ASIC2: variants seen among roughly 807,000 people sequenced by gnomAD.
The protein encoded by ASIC2 is acid-sensing ion channel 2.
Under a neutral mutation model 57.3 loss-of-function variants are expected in ASIC2, and 25 were observed. The ratio of observed to expected loss-of-function variants is 0.44; its 90% CI spans 0.32 to 0.61. ASIC2 has a LOEUF of 0.61. Among genes scored for constraint, ASIC2 ranks in the 20% least tolerant of loss-of-function variants. The pLI is 0.06. For missense variants in ASIC2, 641 were observed against 738.1 expected (o/e 0.87, Z 1.52); for synonymous variants, 319 against 307.5 (o/e 1.04, Z -0.39).
At chr17:34,003,564 A>G (rs1420345992) in intron 1 of ASIC2, 1 of 152,152 alleles carries the variant, frequency 6.6e-6, no homozygotes, top group African/African-American at 2.4e-5. Context: ...CATTGTCATC[A>G]TCATGATCAT....
At chr17:34,075,823 C>CTTTTTTT (rs57703083) in intron 1 of ASIC2, among the ~76,000 whole-genome samples, 1 of 77,540 alleles carries the variant, frequency 1.3e-5, no homozygotes, top group Non-Finnish European at 2.3e-5. Context: ...TTTCTTTTTC[C>CTTTTTTT]TTTTTTTTTT....
chr17:33,770,898 C>T (rs557392325), intron 1 of ASIC2, among the ~76,000 whole-genome samples: 15 of 152,176 alleles, frequency 9.9e-5, no homozygotes, highest in Admixed American at 8.5e-4. Flanking sequence ...GCTGGAATAG[C>T]ACCTTCTGGC....
Position 33,651,418 on chromosome 17 carries a change from A to T in ASIC2, c.555+504560T>A, listed in dbSNP as rs376851318. The stretch of plus-strand genomic sequence containing the variant: ...AAAGAAACCATTTATTATGGAGCCA[A>T]ATGTAAAATTCCAACACTGACAGTT... On this transcript the variant is annotated intron_variant, in intron 1 of 9. Coordinates refer to the ASIC2 transcript ENST00000359872. 5.3e-5 allele frequency among the ~76,000 whole-genome samples: 8 copies of T among 152,332 alleles called. No individual in the cohort carries two copies. The South Asian group carries it at 1.7e-3, about 32-fold the overall frequency.
intron 1 of ASIC2, among the ~76,000 whole-genome samples, chr17:33,588,872 T>G (rs1904732354): frequency 6.6e-6 from 1 of 152,186 alleles, no homozygotes; most frequent in South Asian, 2.1e-4. Context: ...TAGTAAACTG[T>G]GTATCATTTA....
intron 1 of ASIC2, among the ~76,000 whole-genome samples, chr17:33,601,440 G>C (rs1006992611): frequency 6.6e-6 from 1 of 152,202 alleles, no homozygotes; most frequent in African/African-American, 2.4e-5. Flanking sequence ...GGTTGCCCCA[G>C]CTGTGGCTCA....
intron 1 of ASIC2, among the ~76,000 whole-genome samples, chr17:33,943,876 G>C (rs533992369): frequency 2.6e-5 from 4 of 152,218 alleles, no homozygotes; most frequent in Non-Finnish European, 4.4e-5. Flanking sequence ...GAGATTCAGG[G>C]AGTTCTGTGC....
At chr17:33,025,858 G>A in intron 5 of ASIC2, 68 bp downstream of exon 5, 1 of 1,446,744 alleles carries the variant, frequency 6.9e-7, no homozygotes, top group Non-Finnish European at 9.4e-7. Flanking sequence ...CCCAAACCCA[G>A]ATGATTTCCA....
intron 1 of ASIC2, among the ~76,000 whole-genome samples, chr17:33,761,897 A>G (rs1230436255): frequency 6.6e-6 from 1 of 151,336 alleles, no homozygotes; most frequent in African/African-American, 2.4e-5. Context: ...CAAAGCCCAC[A>G]AATCAGTTCA....
chr17:33,600,552 C>T (rs914944526), intron 1 of ASIC2, among the ~76,000 whole-genome samples: 4 of 152,130 alleles, frequency 2.6e-5, no homozygotes, highest in Non-Finnish European at 4.4e-5. Flanking sequence ...CAGAATTTGG[C>T]AGGTCAGGCT....
rs117770777 is a variant in ASIC2 at position 33,267,571 on chromosome 17, C to T, written c.708+23837G>A. ...CTAAGTTTGACAAGTTTTCTGCCTT[C>T]GGGAAACTTACAGCAGAGCCCAAAC... On this transcript the variant is annotated intron_variant, in intron 1 of 9. Coordinates refer to ENST00000225823, the MANE Select transcript of ASIC2 (RefSeq NM_183377.2). Among the ~76,000 whole-genome samples, 114 of 152,292 alleles carry T rather than the reference C, an allele frequency of 7.5e-4. 1 individual carries two copies. In the East Asian group the frequency reaches 0.016, roughly 21 times the overall value.
chr17:33,808,681 A>C (rs1165984981), intron 1 of ASIC2, among the ~76,000 whole-genome samples: 2 of 152,296 alleles, frequency 1.3e-5, no homozygotes, highest in East Asian at 3.9e-4. Flanking sequence ...AACCTCTCTG[A>C]GTCTCTGTTT....
At chr17:34,149,838 A>G (rs2142142905) in intron 1 of ASIC2, among the ~76,000 whole-genome samples, 1 of 152,296 alleles carries the variant, frequency 6.6e-6, no homozygotes, top group Admixed American at 6.5e-5. Context: ...GAAGTTCCTC[A>G]AAAAAATTAA....
intron 1 of ASIC2, among the ~76,000 whole-genome samples, chr17:33,914,208 G>A (rs775385580): frequency 2.0e-5 from 3 of 152,160 alleles, no homozygotes; most frequent in Non-Finnish European, 4.4e-5. Context: ...CATTGCAAAC[G>A]GTCCATTGTG....
chr17:33,619,641 G>A (rs965670015), intron 1 of ASIC2, among the ~76,000 whole-genome samples: 6 of 152,314 alleles, frequency 3.9e-5, no homozygotes, highest in African/African-American at 1.4e-4. Context: ...AGGATGCTTT[G>A]TAATGAGAAG....
chr17:33,731,945 A>G (rs1265511743), intron 1 of ASIC2, among the ~76,000 whole-genome samples: 1 of 152,264 alleles, frequency 6.6e-6, no homozygotes, highest in Non-Finnish European at 1.5e-5. Flanking sequence ...CTAGATGAAC[A>G]GAGCACTAGA....
At chr17:34,081,150 G>C (rs934925991) in intron 1 of ASIC2, among the ~76,000 whole-genome samples, 1 of 152,138 alleles carries the variant, frequency 6.6e-6, no homozygotes, top group Non-Finnish European at 1.5e-5. Context: ...ACCCCCTGGG[G>C]CTTATTAAAA....
intron 1 of ASIC2, among the ~76,000 whole-genome samples, chr17:33,214,418 C>T (rs377946): frequency 0.7 from 106,677 of 152,048 alleles, 37,681 homozygotes; most frequent in Non-Finnish European, 0.75. Flanking sequence ...TGCTCATCCT[C>T]TCTGTCCTCT....
At chr17:33,624,978 A>G (rs1905926716) in intron 1 of ASIC2, among the ~76,000 whole-genome samples, 1 of 152,092 alleles carries the variant, frequency 6.6e-6, no homozygotes, top group South Asian at 2.1e-4. Context: ...AGCCAGCATG[A>G]CTCTCAGTGA....
chr17:33,466,488 A>T (rs910150485), intron 1 of ASIC2, among the ~76,000 whole-genome samples: 1 of 152,160 alleles, frequency 6.6e-6, no homozygotes, highest in Admixed American at 6.5e-5. Context: ...TGGGAAAAAA[A>T]AACCTACTTT....
Sources: gnomAD v4.1 joint callset for allele counts (sites outside exome capture counted in the v4.1 genomes callset) on GRCh38, gnomAD v4.1.1 for gene constraint, MANE v1.5 for transcripts, NCBI Gene and HGNC (gene_info 2026-07-23, HGNC 2026-07-21) for gene names.